The following LIFR variants were observed in gnomAD, a reference collection of about 807,000 sequenced individuals.
LIFR encodes the protein LIF receptor subunit alpha.
In LIFR, 84 loss-of-function variants were observed where a neutral mutation model predicts 122.2. That is an observed-to-expected ratio of 0.69 (90% CI 0.58 to 0.82). The LOEUF (loss-of-function observed/expected upper bound fraction) is 0.82, where lower values mean the gene tolerates loss of function less well. LIFR is among the 40% of genes least tolerant of loss of function. The probability of loss-of-function intolerance (pLI) is 0.00; values close to 1 mark genes in which losing one functional copy is unlikely to be tolerated. For synonymous variants in LIFR, 422 were observed against 434.7 expected (o/e 0.97, Z 0.36); for missense variants, 1,294 against 1,311.6 (o/e 0.99, Z 0.21).
Position 38,573,004 on chromosome 5 carries a change from C to G in LIFR, c.-20+22257G>C, listed in dbSNP as rs375915504. 2.6e-5 allele frequency among the ~76,000 whole-genome samples: 4 copies of G among 152,306 alleles called. No homozygotes were observed. The South Asian group carries it at 6.2e-4, about 24-fold the overall frequency. On this transcript the variant is annotated intron_variant, in intron 1 of 19. Transcript: ENST00000263409. ...TTTGTTTCTGTCACTCTCCTGTGTTCTAACCATTGATCCACAGCTGGATTG... is the reference window on the plus strand; with the variant it reads ...TTTGTTTCTGTCACTCTCCTGTGTTGTAACCATTGATCCACAGCTGGATTG...
In LIFR at chr5:38,481,975, C is replaced by T. The variant is rs777827650; in HGVS notation, c.2914G>A (p.Val972Ile). The T allele has an allele frequency of 1.9e-6, 3 of 1,614,144 alleles. No individual in the cohort carries two copies. The highest frequency in any genetic ancestry group is 2.5e-6 in the Non-Finnish European group (3 of 1,180,030). ...ATCGACTGAACATCAATGTAAATAA[C>T]CTGTGCAGTCCCTCCAGCTTCATCT... The part of the protein sequence containing the change: ...AADEAGGTAQ[V>I]IYIDVQSMYQ... Residue 972 changes from valine to isoleucine, a missense_variant, in exon 20 of 20, where the codon GTT becomes ATT. Val to Ile is a conservative substitution (Grantham distance 29, BLOSUM62 3). Transcript: ENST00000453190.
At position 38,490,269 on chromosome 5, in the gene LIFR, T is replaced by C. The variant is rs758390067; in HGVS notation, c.2088A>G (p.Arg696=). ...TGCATCCATACAGGAAAAAATTATA[T>C]CTTATACCTGGTCGAAACTCATCTA... ...IESDEFRPGI[R]YNFFLYGCRN... is the part of the protein sequence containing the mutation. Residue 696 remains arginine, a synonymous_variant, in exon 15 of 20, where the codon AGA becomes AGG. Transcript: ENST00000453190. 5.1e-6 allele frequency: 8 copies of C among 1,559,770 alleles called. No homozygotes were observed. The highest frequency in any genetic ancestry group is 4.1e-5 in the African/African-American group (3 of 73,978).
chr5:38,542,509 G>C (rs76753597), intron 1 of LIFR, among the ~76,000 whole-genome samples: 5 of 151,964 alleles, frequency 3.3e-5, no homozygotes, highest in African/African-American at 1.2e-4. Flanking sequence ...GCTTCTAACC[G>C]GTCTCAGGAC....
intron 1 of LIFR, among the ~76,000 whole-genome samples, chr5:38,545,871 G>GAAAAAAAAAAA: frequency 1.1e-5 from 1 of 87,726 alleles, no homozygotes; most frequent in South Asian, 4.2e-4. Flanking sequence ...CAAAAAAAAA[G>GAAAAAAAAAAA]AAAAAAAAAA....
Position 38,499,455 on chromosome 5 carries a change from G to A in LIFR, c.1671+58C>T, listed in dbSNP as rs568327624. On this transcript the variant is annotated intron_variant, in intron 12 of 19. Coordinates refer to ENST00000453190, the MANE Select transcript of LIFR (RefSeq NM_001127671.2). ...CTCCTTGATAACCCAAGTACCATGC[G>A]TAAGTTAAGCAGTTTAGCAAAGTAA... 46 of 1,170,320 alleles carry A rather than the reference G, an allele frequency of 3.9e-5. 1 individual carries two copies. The South Asian group carries it at 4.5e-4, about 11-fold the overall frequency. The allele number at this position is 1,170,320 out of a possible 1,614,324, so 72.5% of individuals were successfully genotyped here. A position where few individuals can be genotyped will look rare whatever the true frequency, so the allele number is the denominator to read the frequency against.
At position 38,523,500 on chromosome 5, in the gene LIFR, C is replaced by T. The variant is rs373897094; in HGVS notation, c.480G>A (p.Arg160=). The part of the protein sequence containing the change: ...TSTLYLKWND[R]GSVFPHRSNV... ...TTGAGCGGTGTGGAAAAACTGAACC[C>T]CTGTCGTTCCACTTTAGGTATAATG... Residue 160 remains arginine, a synonymous_variant, in exon 5 of 20, where the codon AGG becomes AGA. Coordinates refer to ENST00000453190, the MANE Select transcript of LIFR (RefSeq NM_001127671.2). 2.9e-5 allele frequency: 47 copies of T among 1,612,870 alleles called. No individual in the cohort carries two copies. The highest frequency in any genetic ancestry group is 3.8e-5 in the Non-Finnish European group (45 of 1,179,218).
intron 1 of LIFR, among the ~76,000 whole-genome samples, chr5:38,586,371 T>C (rs755891668): frequency 2.0e-5 from 3 of 149,708 alleles, no homozygotes; most frequent in Middle Eastern, 3.4e-3. Flanking sequence ...CTCACACTTA[T>C]AATGTTTAAA....
rs919745242 is a variant in LIFR at position 38,476,573 on chromosome 5, A to G, written c.*5022T>C. 5 of 204,110 alleles carry G rather than the reference A, an allele frequency of 2.4e-5. No individual in the cohort carries two copies. The highest frequency in any genetic ancestry group is 5.0e-5 in the Non-Finnish European group (5 of 99,982). 12.6% of individuals were successfully genotyped at this position (204,110 alleles called of 1,614,324 possible). A position where few individuals can be genotyped will look rare whatever the true frequency, so the allele number is the denominator to read the frequency against. On this transcript the variant is annotated 3_prime_UTR_variant, in exon 20 of 20. Coordinates refer to ENST00000453190, the MANE Select transcript of LIFR (RefSeq NM_001127671.2). ...GCTACTGTAAAGGCAATCTTAGAAG[A>G]TGCATGTAAATATAATATAAATCAA...
At position 38,510,539 on chromosome 5, in the gene LIFR, CAG is replaced by C. The variant is rs1561159759; in HGVS notation, c.914_915del (p.Ser305CysfsTer5). Reference sequence around the variant, plus strand: ...ACATTTGTTCCACTACTTGCAGAAACAGAAATATTACGAATCTTGATTGCAAC... The same window carrying C: ...ACATTTGTTCCACTACTTGCAGAAACAAATATTACGAATCTTGATTGCAAC... ...ENVAIKIRNI[S>X]VSASSGTNVV... On this transcript the variant is annotated frameshift_variant, in exon 7 of 20. Coordinates refer to ENST00000453190, the MANE Select transcript of LIFR (RefSeq NM_001127671.2). LOFTEE classifies it high-confidence loss of function. The C allele has an allele frequency of 1.9e-6, 3 of 1,613,934 alleles. No homozygotes were observed. Among genetic ancestry groups the C allele is most frequent in the South Asian group, 1.1e-5 (1 of 91,074 alleles).
intron 1 of LIFR, among the ~76,000 whole-genome samples, chr5:38,570,386 G>T (rs1749170549): frequency 6.6e-6 from 1 of 152,120 alleles, no homozygotes; most frequent in Non-Finnish European, 1.5e-5. Flanking sequence ...TCTGTGGAGA[G>T]GACTTCATAC....
chr5:38,561,329 T>G (rs1046142179), upstream of LIFR, among the ~76,000 whole-genome samples: 3 of 152,208 alleles, frequency 2.0e-5, no homozygotes, highest in Non-Finnish European at 4.4e-5. Flanking sequence ...TTACTGTGGT[T>G]GTTTCGTTTT....
At chr5:38,544,388 C>A (rs1747760661) in intron 1 of LIFR, among the ~76,000 whole-genome samples, 2 of 152,168 alleles carry the variant, frequency 1.3e-5, no homozygotes, top group African/African-American at 4.8e-5. Flanking sequence ...GGCTTCCAGT[C>A]TCCTCCAGGG....
chr5:38,606,998 G>T (rs191817763), intron 1 of LIFR, among the ~76,000 whole-genome samples: 1 of 152,192 alleles, frequency 6.6e-6, no homozygotes, highest in African/African-American at 2.4e-5. Flanking sequence ...TTAATAGCAA[G>T]TCTCTTTCCT....
Position 38,479,480 on chromosome 5 carries a change from G to A in LIFR, c.*2115C>T, listed in dbSNP as rs1743875926. On this transcript the variant is annotated 3_prime_UTR_variant, in exon 20 of 20. Coordinates refer to ENST00000453190, the MANE Select transcript of LIFR (RefSeq NM_001127671.2). ...CGTTATATAGGTTAGAAAGGGCCCTGGATCCAGATGGTCACAGTTGAAATG... is the reference window on the plus strand; with the variant it reads ...CGTTATATAGGTTAGAAAGGGCCCTAGATCCAGATGGTCACAGTTGAAATG... 4.3e-6 allele frequency: 1 copy of A among 231,158 alleles called. No individual in the cohort carries two copies. The allele number at this position is 231,158 out of a possible 1,614,324, so 14.3% of individuals were successfully genotyped here. A position where few individuals can be genotyped will look rare whatever the true frequency, so the allele number is the denominator to read the frequency against.
At chr5:38,498,120 C>T (rs182272432) in intron 12 of LIFR, among the ~76,000 whole-genome samples, 4 of 152,118 alleles carry the variant, frequency 2.6e-5, no homozygotes, top group South Asian at 2.1e-4. Flanking sequence ...TCTAACACTG[C>T]GAAACACTCT....
intron 1 of LIFR, among the ~76,000 whole-genome samples, chr5:38,580,842 C>T (rs946816209): frequency 6.6e-6 from 1 of 152,122 alleles, no homozygotes; most frequent in Non-Finnish European, 1.5e-5. Flanking sequence ...GCCTCTGCAG[C>T]CCCATAAATA....
intron 1 of LIFR, among the ~76,000 whole-genome samples, chr5:38,587,348 A>C (rs1006000207): frequency 1.3e-5 from 2 of 152,158 alleles, no homozygotes; most frequent in African/African-American, 4.8e-5. Context: ...CTGGACATTA[A>C]AAGTTATTCC....
Position 38,506,092 on chromosome 5 carries a change from A to C in LIFR, c.1122-18T>G. 1 of 1,523,658 alleles carries C rather than the reference A, an allele frequency of 6.6e-7. No individual in the cohort carries two copies. The highest frequency in any genetic ancestry group is 1.2e-5 in the South Asian group (1 of 85,984). The allele number at this position is 1,523,658 out of a possible 1,614,324, so 94.4% of individuals were successfully genotyped here. A position where few individuals can be genotyped will look rare whatever the true frequency, so the allele number is the denominator to read the frequency against. ...CTGAAAAACTGTTAATTAACAGAAAAATAATTTCAAAATGGCAAGAGATAA... is the reference window on the plus strand; with the variant it reads ...CTGAAAAACTGTTAATTAACAGAAACATAATTTCAAAATGGCAAGAGATAA... On this transcript the variant is annotated intron_variant, in intron 8 of 19. Coordinates refer to ENST00000453190, the MANE Select transcript of LIFR (RefSeq NM_001127671.2).
chr5:38,492,538 G>C (rs1249606936), intron 14 of LIFR, among the ~76,000 whole-genome samples: 2 of 152,106 alleles, frequency 1.3e-5, no homozygotes, highest in South Asian at 2.1e-4. Flanking sequence ...TGTAAGGAAG[G>C]ATAAAGGGAA....
Sources: gnomAD v4.1 joint callset for allele counts (sites outside exome capture counted in the v4.1 genomes callset) on GRCh38, gnomAD v4.1.1 for gene constraint, MANE v1.5 for transcripts, NCBI Gene and HGNC (gene_info 2026-07-23, HGNC 2026-07-21) for gene names.